The following NAA38 variants were observed in gnomAD, a reference collection of about 807,000 sequenced individuals.
NAA38 encodes the protein N-alpha-acetyltransferase 38, NatC auxiliary subunit.
In NAA38, 15 loss-of-function variants were observed where a neutral mutation model predicts 12.6. The observed-to-expected ratio is 1.19, with a 90% CI of 0.79 to 1.83. The LOEUF (loss-of-function observed/expected upper bound fraction) is 1.83. NAA38 is among the 40% of genes most tolerant of loss of function. NAA38 has a pLI of 0.00. For missense variants in NAA38, 183 were observed against 171.7 expected (o/e 1.07, Z -0.37); for synonymous variants, 88 against 69.9 (o/e 1.26, Z -1.29).
At chr17:7,876,511 A>G (rs778728352) in intron 2 of NAA38, among the ~76,000 whole-genome samples, 10 of 151,868 alleles carry the variant, frequency 6.6e-5, no homozygotes, top group Non-Finnish European at 1.3e-4. Context: ...TTCTTATCCC[A>G]CCTAAACTGC....
At chr17:7,874,167 T>G (rs904424470) in intron 2 of NAA38, among the ~76,000 whole-genome samples, 3 of 152,104 alleles carry the variant, frequency 2.0e-5, no homozygotes, top group African/African-American at 7.2e-5. Context: ...TATAGCTGAT[T>G]AGGAGAAAAT....
chr17:7,879,080 A>G (rs1465852443), intron 2 of NAA38, among the ~76,000 whole-genome samples: 4 of 152,208 alleles, frequency 2.6e-5, no homozygotes, highest in African/African-American at 9.6e-5. Flanking sequence ...AATAAAGGAC[A>G]GACTTTTCCA....
chr17:7,884,548 T>G (rs1012360230), intron 1 of NAA38, among the ~76,000 whole-genome samples: 4 of 141,908 alleles, frequency 2.8e-5, no homozygotes, highest in African/African-American at 1.1e-4. Flanking sequence ...AAAAAAAGTC[T>G]TTCCTCAATT....
At chr17:7,880,449 G>C (rs1030122713) in intron 2 of NAA38, among the ~76,000 whole-genome samples, 1 of 152,192 alleles carries the variant, frequency 6.6e-6, no homozygotes, top group Non-Finnish European at 1.5e-5. Flanking sequence ...CCTGGTTAGA[G>C]GTTGTGTCTT....
At chr17:7,859,636 G>A, upstream of NAA38, 1 of 1,606,148 alleles carries the variant, frequency 6.2e-7, no homozygotes, top group Non-Finnish European at 8.5e-7. Flanking sequence ...CACTCGTGTA[G>A]ACTCAAGACG....
chr17:7,879,049 A>G (rs1597883865), intron 2 of NAA38, among the ~76,000 whole-genome samples: 2 of 151,768 alleles, frequency 1.3e-5, no homozygotes, highest in East Asian at 1.9e-4. Flanking sequence ...AAAAATATAT[A>G]TCAGAAATAT....
intron 2 of NAA38, among the ~76,000 whole-genome samples, chr17:7,873,239 C>A (rs1362520693): frequency 1.3e-5 from 2 of 152,220 alleles, no homozygotes; most frequent in African/African-American, 4.8e-5. Flanking sequence ...CCAGACAGCA[C>A]TGCCTCTTTG....
At chr17:7,869,969 G>C (rs1967057871) in intron 2 of NAA38, among the ~76,000 whole-genome samples, 1 of 152,166 alleles carries the variant, frequency 6.6e-6, no homozygotes, top group South Asian at 2.1e-4. Flanking sequence ...CAGATGAAAA[G>C]CAAGATACTT....
chr17:7,872,847 C>T (rs911702336), intron 2 of NAA38, among the ~76,000 whole-genome samples: 1 of 152,182 alleles, frequency 6.6e-6, no homozygotes, highest in Non-Finnish European at 1.5e-5. Flanking sequence ...TTGAAGCAGT[C>T]AACAGGTATT....
Position 7,857,130 on chromosome 17 carries a change from G to C in NAA38, c.150C>G (p.Asn50Lys). The C allele has an allele frequency of 6.2e-7, 1 of 1,613,318 alleles. No individual in the cohort carries two copies. The highest frequency in any genetic ancestry group is 1.1e-5 in the South Asian group (1 of 91,092). Residue 50 changes from asparagine (N) to lysine (K), a missense_variant, in exon 2 of 3, where the codon AAC becomes AAG. Coordinates refer to ENST00000575771, the MANE Select transcript of NAA38 (RefSeq NM_001320925.4). ...RARQQLEALL[N>K]KTMRIRMTDG... The stretch of plus-strand genomic sequence containing the variant: ...CTGTCATGCGAATGCGCATAGTCTT[G>C]TTGAGCAGCGCCTCTAGCTGCTGTC...
At chr17:7,858,861 G>T, upstream of NAA38, 1 of 1,487,758 alleles carries the variant, frequency 6.7e-7, no homozygotes, top group South Asian at 1.4e-5. Context: ...TAGAAGGAAT[G>T]GGGAATCCCA....
intron 1 of NAA38, chr17:7,885,001 C>T (rs1967530175): frequency 2.4e-6 from 3 of 1,243,994 alleles, no homozygotes; most frequent in African/African-American, 1.6e-5. Context: ...GCGACCGCCA[C>T]AGCCCCCCCG....
At chr17:7,857,629 T>A (rs2078839092), upstream of NAA38, 4 of 1,352,690 alleles carry the variant, frequency 3.0e-6, no homozygotes, top group South Asian at 6.2e-5. Context: ...TTCTCCTACT[T>A]CTCTAGCGCT....
chr17:7,884,961 T>G, intron 1 of NAA38: 3 of 1,220,676 alleles, frequency 2.5e-6, no homozygotes, highest in African/African-American at 1.6e-5. Flanking sequence ...GAGGGAGTAC[T>G]CGGGCGCGGG....
intron 2 of NAA38, among the ~76,000 whole-genome samples, chr17:7,868,353 C>T (rs1967026562): frequency 6.6e-6 from 1 of 152,198 alleles, no homozygotes; most frequent in Non-Finnish European, 1.5e-5. Flanking sequence ...ATTCAGCAAA[C>T]AGCAGGTCAT....
intron 2 of NAA38, among the ~76,000 whole-genome samples, chr17:7,872,959 G>T (rs914330024): frequency 1.3e-5 from 2 of 152,142 alleles, no homozygotes; most frequent in Non-Finnish European, 2.9e-5. Context: ...GAAAGATAAA[G>T]GATAATATGG....
chr17:7,858,073 T>G, upstream of NAA38: 3 of 1,599,606 alleles, frequency 1.9e-6, no homozygotes, highest in Non-Finnish European at 8.5e-7. Flanking sequence ...GTAGTAGTAG[T>G]GAGTACGTGC....
At chr17:7,859,738 G>A, upstream of NAA38, 3 of 787,930 alleles carry the variant, frequency 3.8e-6, no homozygotes. Flanking sequence ...CCAGGAGCTA[G>A]CCTGTGCCCT....
chr17:7,883,925 T>G (rs1967382961), intron 1 of NAA38, among the ~76,000 whole-genome samples: 1 of 152,120 alleles, frequency 6.6e-6, no homozygotes, highest in South Asian at 2.1e-4. Flanking sequence ...TGGACTAGTA[T>G]CTAACTAGTT....
Sources: allele counts gnomAD v4.1 joint callset (sites outside exome capture counted in the v4.1 genomes callset), GRCh38; gene constraint gnomAD v4.1.1; transcripts MANE v1.5; gene names NCBI Gene and HGNC (gene_info 2026-07-23, HGNC 2026-07-21).